ELMO1: variants seen among roughly 807,000 people sequenced by gnomAD.
ELMO1 encodes engulfment and cell motility 1.
Under a neutral mutation model 98.9 loss-of-function variants are expected in ELMO1, and 26 were observed. The ratio of observed to expected loss-of-function variants is 0.26; its 90% CI spans 0.19 to 0.36. The LOEUF is 0.36. ELMO1 is among the 10% of genes least tolerant of loss of function. The probability of loss-of-function intolerance (pLI) is 1.00; values close to 1 mark genes in which losing one functional copy is unlikely to be tolerated. For missense variants in ELMO1, 627 were observed against 935.2 expected, an observed-to-expected ratio of 0.67 and a Z score of 4.30; for synonymous variants, 346 against 346.0, an observed-to-expected ratio of 1.00 and a Z score of 0.00.
intron 16 of ELMO1, among the ~76,000 whole-genome samples, chr7:36,922,414 T>G (rs1562826747): frequency 6.6e-6 from 1 of 151,044 alleles, no homozygotes; most frequent in Non-Finnish European, 1.5e-5. Context: ...CACCAGACAC[T>G]TTAAAAGACA....
chr7:36,968,239 A>C (rs561284483), intron 16 of ELMO1, among the ~76,000 whole-genome samples: 1 of 152,302 alleles, frequency 6.6e-6, no homozygotes, highest in South Asian at 2.1e-4. Flanking sequence ...GAGTCTTCCT[A>C]AAGTCTCTCT....
intron 13 of ELMO1, among the ~76,000 whole-genome samples, chr7:37,160,690 C>T (rs1449581175): frequency 6.6e-6 from 1 of 152,130 alleles, no homozygotes; most frequent in East Asian, 1.9e-4. Flanking sequence ...GAAGAGCCCA[C>T]CCTTGAGAGA....
intron 13 of ELMO1, among the ~76,000 whole-genome samples, chr7:37,147,351 C>T (rs1306506013): frequency 6.6e-6 from 1 of 152,104 alleles, no homozygotes; most frequent in Non-Finnish European, 1.5e-5. Flanking sequence ...TTAACACTTC[C>T]GCTCATCTCT....
At chr7:36,906,335 G>A (rs766341162) in intron 16 of ELMO1, among the ~76,000 whole-genome samples, 25 of 152,184 alleles carry the variant, frequency 1.6e-4, no homozygotes, top group Non-Finnish European at 2.9e-4. Flanking sequence ...AGATCAAACT[G>A]TGTCATATTT....
chr7:37,255,200 T>C (rs1187201366), intron 6 of ELMO1, among the ~76,000 whole-genome samples: 3 of 152,180 alleles, frequency 2.0e-5, no homozygotes, highest in Non-Finnish European at 4.4e-5. Context: ...AAGAGATGAT[T>C]AATTTAAAAT....
At chr7:36,969,146 G>A (rs576489025) in intron 16 of ELMO1, among the ~76,000 whole-genome samples, 1 of 151,888 alleles carries the variant, frequency 6.6e-6, no homozygotes, top group African/African-American at 2.4e-5. Context: ...CTACCTAGTA[G>A]TTGACATGTT....
At position 37,315,952 on chromosome 7, in the gene ELMO1, T is replaced by C. The variant is rs760604151; in HGVS notation, c.87A>G (p.Pro29=). Residue 29 remains proline (P), a synonymous_variant, in exon 3 of 22, where the codon CCA becomes CCG. Transcript: ENST00000310758. ...AGACTTCCTTTATTATTGCAGACAG[T>C]GGTTTTTTCTGCAAAATAACAAAAA... ...PKLMEIDQKK[P]LSAIIKEVCD... is the part of the protein sequence containing the mutation. 6 of 1,596,432 alleles carry C rather than the reference T, an allele frequency of 3.8e-6. No individual in the cohort carries two copies. The highest frequency in any genetic ancestry group is 4.3e-6 in the Non-Finnish European group (5 of 1,175,632).
intron 1 of ELMO1, among the ~76,000 whole-genome samples, chr7:37,447,526 C>G (rs1461082181): frequency 6.6e-6 from 1 of 151,850 alleles, no homozygotes. Context: ...AGGCAGGTCC[C>G]GACCCGCCTC....
intron 3 of ELMO1, 41 bp from the exon 4 acceptor site, chr7:37,314,963 G>T (rs771660105): frequency 1.3e-6 from 2 of 1,572,576 alleles, no homozygotes; most frequent in South Asian, 1.2e-5. Flanking sequence ...AAATGAAAGT[G>T]GCCATTTTCA....
At chr7:37,179,662 G>C (rs971142981) in intron 13 of ELMO1, among the ~76,000 whole-genome samples, 1 of 152,172 alleles carries the variant, frequency 6.6e-6, no homozygotes, top group Admixed American at 6.5e-5. Context: ...AATGGGGAAA[G>C]AGGAACAAAG....
chr7:36,870,546 C>CTAAG lies in ELMO1; in HGVS notation c.1823-75_1823-72dup, dbSNP rs1225284357. On this transcript the variant is annotated intron_variant, in intron 19 of 21. Coordinates refer to ENST00000310758, the MANE Select transcript of ELMO1 (RefSeq NM_014800.11). This position sits in a 1 kb window ranked among gnomAD's most constrained non-coding sequence, Gnocchi z 4.4. The stretch of plus-strand genomic sequence containing the variant: ...CTTTGATGTCAATAAAGAAACAGGA[C>CTAAG]TAAGCACTGGGTCCGCTACTGTGGT... 13 of 1,451,324 alleles carry CTAAG rather than the reference C, an allele frequency of 9.0e-6. No homozygotes were observed. Among genetic ancestry groups the CTAAG allele is most frequent in the Admixed American group, 7.3e-5 (4 of 55,138 alleles). The allele number at this position is 1,451,324 out of a possible 1,614,324, so 89.9% of individuals were successfully genotyped here. A position where few individuals can be genotyped will look rare whatever the true frequency, so the allele number is the denominator to read the frequency against.
intron 1 of ELMO1, among the ~76,000 whole-genome samples, chr7:37,440,726 G>A (rs1470424681): frequency 6.7e-6 from 1 of 149,294 alleles, no homozygotes; most frequent in Non-Finnish European, 1.5e-5. Context: ...CCAAGATCGC[G>A]CCACTACACT....
chr7:37,362,591 C>T (rs1012876529), intron 1 of ELMO1, among the ~76,000 whole-genome samples: 2 of 151,902 alleles, frequency 1.3e-5, no homozygotes, highest in Non-Finnish European at 2.9e-5. Context: ...GCCAACCAAC[C>T]TTCCTTCATT....
In ELMO1 at chr7:37,349,214, G is replaced by A. The variant is rs145514193; in HGVS notation, c.-73-6451C>T. Among the ~76,000 whole-genome samples the A allele has an allele frequency of 4.7e-3, 718 of 152,336 alleles. 4 individuals are homozygous for A. Among genetic ancestry groups the A allele is most frequent in the Middle Eastern group, 0.02 (6 of 294 alleles). On this transcript the variant is annotated intron_variant, in intron 1 of 21. Transcript: ENST00000310758. Reference sequence around the variant, plus strand: ...GAAAAGCTGTCCTCTGTCCCGCTAAGTCATTATCTACTGATGATGGATAAT... The same window carrying A: ...GAAAAGCTGTCCTCTGTCCCGCTAAATCATTATCTACTGATGATGGATAAT...
At chr7:37,417,808 C>CTCCA (rs1256480071) in intron 1 of ELMO1, among the ~76,000 whole-genome samples, 1 of 152,200 alleles carries the variant, frequency 6.6e-6, no homozygotes, top group African/African-American at 2.4e-5. Context: ...CACCATTGCA[C>CTCCA]TCCAGCCTGG....
At chr7:37,318,357 A>T (rs1799316542) in intron 2 of ELMO1, among the ~76,000 whole-genome samples, 1 of 152,198 alleles carries the variant, frequency 6.6e-6, no homozygotes. Context: ...AATGAAACAT[A>T]AATAACGGAG....
At chr7:37,415,764 T>A (rs548210364) in intron 1 of ELMO1, among the ~76,000 whole-genome samples, 2 of 152,310 alleles carry the variant, frequency 1.3e-5, no homozygotes, top group East Asian at 3.9e-4. Flanking sequence ...ATTAAAGTAA[T>A]AATAACTCTC....
chr7:37,394,434 T>C (rs1025669392), intron 1 of ELMO1, among the ~76,000 whole-genome samples: 2 of 152,128 alleles, frequency 1.3e-5, no homozygotes, highest in African/African-American at 4.8e-5. Flanking sequence ...AGCCTACACC[T>C]GGGCTGATAA....
intron 15 of ELMO1, among the ~76,000 whole-genome samples, chr7:37,048,963 A>C (rs1181745127): frequency 6.6e-6 from 1 of 152,094 alleles, no homozygotes; most frequent in African/African-American, 2.4e-5. Context: ...ATTCCCAATG[A>C]GTTTAGGGGA....
Sources: allele counts gnomAD v4.1 joint callset (sites outside exome capture counted in the v4.1 genomes callset), GRCh38; gene constraint gnomAD v4.1.1; non-coding constraint Gnocchi (gnomAD v3.1); transcripts MANE v1.5; gene names NCBI Gene and HGNC (gene_info 2026-07-23, HGNC 2026-07-21).